Variants in DIAPH2 observed in about 807,000 individuals in gnomAD.
DIAPH2 encodes the protein diaphanous related formin 2, also known as protein diaphanous homolog 2.
Under a neutral mutation model 92.7 loss-of-function variants are expected in DIAPH2, and 35 were observed. That is an observed-to-expected ratio of 0.38 (90% CI 0.29 to 0.50). The LOEUF (loss-of-function observed/expected upper bound fraction) is 0.50, where lower values mean the gene tolerates loss of function less well. Ranked by LOEUF, DIAPH2 falls within the 20% of genes least tolerant of loss-of-function variation. DIAPH2 has a pLI of 0.94. For synonymous variants in DIAPH2, 301 were observed against 280.4 expected (o/e 1.07, Z -0.73); for missense variants, 701 against 819.5 (o/e 0.86, Z 1.77).
chrX:97,502,892 G>A (rs1213036189), intron 26 of DIAPH2, among the ~76,000 whole-genome samples: 1 of 112,196 alleles, frequency 8.9e-6, no homozygotes, highest in Non-Finnish European at 1.9e-5. Context: ...GTAAGTTTTA[G>A]TGAATTATTT....
intron 25 of DIAPH2, among the ~76,000 whole-genome samples, chrX:97,384,524 C>T (rs1367681268): frequency 1.8e-5 from 2 of 111,717 alleles, no homozygotes; most frequent in African/African-American, 6.5e-5. Flanking sequence ...GCATCTTGCA[C>T]AGCTATAAAC....
intron 22 of DIAPH2, among the ~76,000 whole-genome samples, chrX:97,229,822 TA>T (rs2067994738): frequency 2.8e-5 from 2 of 71,991 alleles, no homozygotes; most frequent in Non-Finnish European, 6.8e-5. Context: ...TTATTATATA[TA>T]ATAACAATAT....
intron 23 of DIAPH2, among the ~76,000 whole-genome samples, chrX:97,287,496 A>G (rs2068552599): frequency 1.8e-5 from 2 of 110,582 alleles, no homozygotes; most frequent in African/African-American, 3.3e-5. Flanking sequence ...GTTTTGTTTT[A>G]TACCTGGAAT....
At chrX:96,881,409 G>A (rs1270411552) in intron 4 of DIAPH2, among the ~76,000 whole-genome samples, 170 bp from the exon 5 acceptor site, 2 of 110,938 alleles carry the variant, frequency 1.8e-5, no homozygotes, top group African/African-American at 3.3e-5. Context: ...TGAGGAAAAT[G>A]TTGAGATATA....
intron 22 of DIAPH2, among the ~76,000 whole-genome samples, chrX:97,160,954 T>C (rs1051491566): frequency 9.0e-6 from 1 of 111,159 alleles, no homozygotes; most frequent in African/African-American, 3.3e-5. Context: ...GAATGATCAT[T>C]TCCTTTGAAT....
intron 16 of DIAPH2, among the ~76,000 whole-genome samples, chrX:96,961,722 T>A (rs1007811527): frequency 4.5e-5 from 5 of 110,540 alleles, no homozygotes; most frequent in Non-Finnish European, 7.6e-5. Flanking sequence ...ATTGTTTTTT[T>A]AATTTTCACT....
chrX:97,530,874 G>T (rs748227219), intron 26 of DIAPH2, among the ~76,000 whole-genome samples: 1 of 111,848 alleles, frequency 8.9e-6, no homozygotes, highest in African/African-American at 3.2e-5. Flanking sequence ...GGAAAGAGTA[G>T]CTGATACTGA....
At chrX:96,733,970 C>G (rs1022627711) in intron 1 of DIAPH2, among the ~76,000 whole-genome samples, 6 of 111,857 alleles carry the variant, frequency 5.4e-5, no homozygotes, top group African/African-American at 1.6e-4. Flanking sequence ...TACCTCTATA[C>G]TCTGTGGTTT....
chrX:97,215,818 G>A (rs1027685233), intron 22 of DIAPH2, among the ~76,000 whole-genome samples: 1 of 112,185 alleles, frequency 8.9e-6, no homozygotes, highest in African/African-American at 3.2e-5. Flanking sequence ...CACTTACAGA[G>A]AATGTACGTG....
intron 17 of DIAPH2, among the ~76,000 whole-genome samples, chrX:97,019,581 A>G (rs1216403839): frequency 9.0e-6 from 1 of 110,585 alleles, no homozygotes; most frequent in African/African-American, 3.3e-5. Flanking sequence ...TAAATTTAAT[A>G]ATGTTTCCAT....
At chrX:97,132,874 A>G (rs1219541873) in intron 21 of DIAPH2, among the ~76,000 whole-genome samples, 1 of 111,087 alleles carries the variant, frequency 9.0e-6, no homozygotes, top group Non-Finnish European at 1.9e-5. Context: ...TGATGTTGCT[A>G]TGTGTTAGGA....
At chrX:96,789,076 A>AGT (rs1162471121) in intron 4 of DIAPH2, among the ~76,000 whole-genome samples, 1 of 112,473 alleles carries the variant, frequency 8.9e-6, no homozygotes, top group East Asian at 2.8e-4. Context: ...ACAGTGACAT[A>AGT]GTAGAGATGC....
Position 97,352,610 on chromosome X carries a change from C to T in DIAPH2, c.3009+4330C>T, listed in dbSNP as rs375174949. On this transcript the variant is annotated intron_variant, in intron 24 of 26. Coordinates refer to ENST00000324765, the MANE Select transcript of DIAPH2 (RefSeq NM_006729.5). Reference sequence around the variant, plus strand: ...ACAGGCCAGGCTCAGTGGCTCAAGCCGGTAATCCCAGCACTTTGGGAGGCC... The same window carrying T: ...ACAGGCCAGGCTCAGTGGCTCAAGCTGGTAATCCCAGCACTTTGGGAGGCC... Among the ~76,000 whole-genome samples the T allele has an allele frequency of 2.4e-4, 26 of 109,285 alleles. 1 individual carries two copies. Among genetic ancestry groups the T allele is most frequent in the Non-Finnish European group, 4.2e-4 (22 of 52,159 alleles). The allele number at this position is 109,285 out of a possible 115,157, so 94.9% of individuals were successfully genotyped here.
chrX:97,009,523 A>C (rs2066209379), intron 17 of DIAPH2, among the ~76,000 whole-genome samples: 1 of 112,016 alleles, frequency 8.9e-6, no homozygotes, highest in Non-Finnish European at 1.9e-5. Flanking sequence ...CAAAGCTGTG[A>C]ATGTATTGGG....
At chrX:97,091,629 C>T (rs1264021786) in intron 19 of DIAPH2, among the ~76,000 whole-genome samples, 1 of 110,931 alleles carries the variant, frequency 9.0e-6, no homozygotes, top group African/African-American at 3.3e-5. Context: ...TATTTTTTTT[C>T]ACCCTTGTTC....
chrX:96,986,001 C>G (rs1170099409), intron 17 of DIAPH2, among the ~76,000 whole-genome samples: 1 of 110,807 alleles, frequency 9.0e-6, no homozygotes, highest in Non-Finnish European at 1.9e-5. Flanking sequence ...AATGCTGTTT[C>G]AAACAGATTG....
At chrX:97,193,012 C>CTTT (rs373054114) in intron 22 of DIAPH2, among the ~76,000 whole-genome samples, 15 of 86,578 alleles carry the variant, frequency 1.7e-4, no homozygotes, top group South Asian at 5.0e-4. Flanking sequence ...TTTTTCTTTT[C>CTTT]TTTTTTTTTT....
chrX:97,346,838 T>C (rs183940582), intron 23 of DIAPH2, among the ~76,000 whole-genome samples: 1 of 111,234 alleles, frequency 9.0e-6, no homozygotes, highest in African/African-American at 3.3e-5. Flanking sequence ...ATGAGGGTCT[T>C]ATAACCTACT....
intron 21 of DIAPH2, among the ~76,000 whole-genome samples, chrX:97,137,323 G>T: frequency 1.1e-5 from 1 of 89,620 alleles, no homozygotes; most frequent in Middle Eastern, 5.2e-3. Context: ...AAATTTAGGA[G>T]TATTGCTCTA....
Sources: gnomAD v4.1 joint callset for allele counts (sites outside exome capture counted in the v4.1 genomes callset) on GRCh38, gnomAD v4.1.1 for gene constraint, MANE v1.5 for transcripts, NCBI Gene and HGNC (gene_info 2026-07-23, HGNC 2026-07-21) for gene names.